Variants in CAMK1D observed in about 807,000 individuals in gnomAD.
The protein encoded by CAMK1D is calcium/calmodulin-dependent protein kinase type 1D.
CAMK1D carries 9 observed loss-of-function variants against 47.7 expected under a neutral mutation model. The ratio of observed to expected loss-of-function variants is 0.19; its 90% CI spans 0.11 to 0.33. The LOEUF is 0.33. Among genes scored for constraint, CAMK1D ranks in the 10% least tolerant of loss-of-function variants. CAMK1D has a pLI of 1.00. For missense variants in CAMK1D, 291 were observed against 488.7 expected (o/e 0.60, Z 3.81); for synonymous variants, 184 against 184.9 (o/e 0.99, Z 0.04).
At chr10:12,749,813 C>T (rs1225413340) in intron 3 of CAMK1D, among the ~76,000 whole-genome samples, 1 of 147,286 alleles carries the variant, frequency 6.8e-6, no homozygotes, top group Non-Finnish European at 1.5e-5. Flanking sequence ...TGGTCTCAAA[C>T]TCCTGACTGC....
chr10:12,622,598 T>A (rs1839033524), intron 2 of CAMK1D, among the ~76,000 whole-genome samples: 1 of 152,072 alleles, frequency 6.6e-6, no homozygotes, highest in Non-Finnish European at 1.5e-5. Flanking sequence ...AACATACTTC[T>A]ACTCCTTTTT....
chr10:12,672,107 G>A (rs1465649879), intron 3 of CAMK1D, among the ~76,000 whole-genome samples: 2 of 151,204 alleles, frequency 1.3e-5, no homozygotes, highest in Non-Finnish European at 3.0e-5. Flanking sequence ...AGTAGAGATG[G>A]GGTTTCACCA....
At chr10:12,694,613 A>G (rs1331033190) in intron 3 of CAMK1D, among the ~76,000 whole-genome samples, 1 of 130,894 alleles carries the variant, frequency 7.6e-6, no homozygotes, top group African/African-American at 2.8e-5. Flanking sequence ...TATAAAATAC[A>G]TATAATATAT....
chr10:12,600,008 G>A (rs1240765978), intron 2 of CAMK1D, among the ~76,000 whole-genome samples: 1 of 152,212 alleles, frequency 6.6e-6, no homozygotes, highest in Non-Finnish European at 1.5e-5. Flanking sequence ...AGGAGGCTGG[G>A]GCAGGAGGAT....
At chr10:12,359,057 G>C (rs1335038745) in intron 1 of CAMK1D, among the ~76,000 whole-genome samples, 1 of 152,102 alleles carries the variant, frequency 6.6e-6, no homozygotes, top group Non-Finnish European at 1.5e-5. Flanking sequence ...GTTCTTCCTG[G>C]TACAGTGAGT....
At chr10:12,734,413 C>T (rs1392641689) in intron 3 of CAMK1D, among the ~76,000 whole-genome samples, 1 of 8,866 alleles carries the variant, frequency 1.1e-4, no homozygotes, top group African/African-American at 1.9e-4. Context: ...TATACACACA[C>T]ACACACATGT....
At chr10:12,628,071 ACT>A (rs1222603450) in intron 2 of CAMK1D, among the ~76,000 whole-genome samples, 1 of 148,184 alleles carries the variant, frequency 6.7e-6, no homozygotes, top group African/African-American at 2.5e-5. Flanking sequence ...ACAGAGCAAG[ACT>A]CTGTCTCAAA....
intron 1 of CAMK1D, among the ~76,000 whole-genome samples, chr10:12,538,603 G>A (rs1836056510): frequency 1.3e-5 from 2 of 152,134 alleles, no homozygotes; most frequent in South Asian, 2.1e-4. Context: ...ATTGTCTTGC[G>A]ATGATGAGGA....
intron 3 of CAMK1D, among the ~76,000 whole-genome samples, chr10:12,759,437 G>A (rs1402458195): frequency 6.6e-6 from 1 of 152,126 alleles, no homozygotes; most frequent in African/African-American, 2.4e-5. Flanking sequence ...GTACATTCTC[G>A]AGCTCTGCAA....
intron 1 of CAMK1D, among the ~76,000 whole-genome samples, chr10:12,544,820 A>G (rs35144486): frequency 0.31 from 37,632 of 122,656 alleles, 5,394 homozygotes; most frequent in Admixed American, 0.39. Context: ...TTGAGTGGAT[A>G]GTACTAGTGT....
chr10:12,432,763 C>T (rs1241119446), intron 1 of CAMK1D, among the ~76,000 whole-genome samples: 1 of 152,210 alleles, frequency 6.6e-6, no homozygotes, highest in African/African-American at 2.4e-5. Flanking sequence ...CCTGAAGATT[C>T]CCCATTGTCC....
At chr10:12,388,565 T>C (rs1395445654) in intron 1 of CAMK1D, among the ~76,000 whole-genome samples, 1 of 152,206 alleles carries the variant, frequency 6.6e-6, no homozygotes, top group East Asian at 1.9e-4. Context: ...GTCTTCTCTG[T>C]TGGGGGCTGT....
chr10:12,482,596 G>A (rs951122977), intron 1 of CAMK1D, among the ~76,000 whole-genome samples: 5 of 152,172 alleles, frequency 3.3e-5, no homozygotes, highest in African/African-American at 7.2e-5. Flanking sequence ...GGGAACCTGC[G>A]GAACTTTTCC....
intron 3 of CAMK1D, among the ~76,000 whole-genome samples, chr10:12,708,234 T>C (rs1271828350): frequency 6.6e-6 from 1 of 152,134 alleles, no homozygotes; most frequent in Admixed American, 6.5e-5. Context: ...TATCCTGCAA[T>C]GACAGTGCAC....
intron 1 of CAMK1D, among the ~76,000 whole-genome samples, chr10:12,437,143 A>ATCTG (rs1171194217): frequency 1.3e-5 from 2 of 150,614 alleles, no homozygotes; most frequent in Non-Finnish European, 3.0e-5. Flanking sequence ...CCGACTATCT[A>ATCTG]TCTATCTGTC....
chr10:12,469,830 T>A (rs1328344644), intron 1 of CAMK1D, among the ~76,000 whole-genome samples: 1 of 152,252 alleles, frequency 6.6e-6, no homozygotes, highest in Non-Finnish European at 1.5e-5. Flanking sequence ...TTGTATATAA[T>A]CAGTTCTTTC....
intron 2 of CAMK1D, among the ~76,000 whole-genome samples, chr10:12,646,351 T>C (rs901321739): frequency 2.0e-5 from 3 of 152,224 alleles, no homozygotes; most frequent in Middle Eastern, 3.2e-3. Context: ...GTTATATAGC[T>C]TGTATTATTA....
At chr10:12,650,883 C>G (rs976316239) in intron 2 of CAMK1D, among the ~76,000 whole-genome samples, 2 of 152,154 alleles carry the variant, frequency 1.3e-5, no homozygotes, top group Non-Finnish European at 2.9e-5. Context: ...GGGAAAAAAA[C>G]CCATCAGGGG....
At chr10:12,613,389 G>A (rs1838689501) in intron 2 of CAMK1D, among the ~76,000 whole-genome samples, 1 of 152,192 alleles carries the variant, frequency 6.6e-6, no homozygotes, top group African/African-American at 2.4e-5. Context: ...ATAGGCCAGT[G>A]TTATTGAAAA....
Sources: allele counts gnomAD v4.1 joint callset (sites outside exome capture counted in the v4.1 genomes callset), GRCh38; gene constraint gnomAD v4.1.1; transcripts MANE v1.5; gene names NCBI Gene and HGNC (gene_info 2026-07-23, HGNC 2026-07-21).